Variants in SP3 observed in about 807,000 individuals in gnomAD.
SP3 encodes transcription factor Sp3.
A neutral mutation model predicts 70.3 loss-of-function variants in SP3; 10 were observed. The ratio of observed to expected loss-of-function variants is 0.14; its 90% CI spans 0.09 to 0.24. SP3 has a LOEUF of 0.24. Ranked by LOEUF, SP3 falls within the 10% of genes least tolerant of loss-of-function variation. SP3 has a pLI of 1.00. For synonymous variants in SP3, 402 were observed against 333.5 expected, an observed-to-expected ratio of 1.21 and a Z score of -2.24; for missense variants, 825 against 914.6, an observed-to-expected ratio of 0.90 and a Z score of 1.26.
At chr2:173,946,481 C>T (rs558311747) in intron 4 of SP3, among the ~76,000 whole-genome samples, 163 of 152,202 alleles carry the variant, frequency 1.1e-3, no homozygotes, top group African/African-American at 3.8e-3. Context: ...TCTGTAATTA[C>T]TGTTATTTCC....
chr2:173,965,004 G>A, intron 1 of SP3, 161 bp downstream of exon 1: 2 of 883,734 alleles, frequency 2.3e-6, no homozygotes. Context: ...GTGGCTGGCG[G>A]GGAGGGGAGG....
Position 173,907,759 on chromosome 2 carries a change from A to G in SP3, c.*2182T>C, listed in dbSNP as rs1005391363. ...TAATCTTAATTTAAAAATTCTAAAAATTACCTAAAGGATTTTAAGATTCAA... is the reference window on the plus strand; with the variant it reads ...TAATCTTAATTTAAAAATTCTAAAAGTTACCTAAAGGATTTTAAGATTCAA... On this transcript the variant is annotated 3_prime_UTR_variant, in exon 7 of 7. Transcript: ENST00000310015. 1.3e-5 allele frequency: 2 copies of G among 152,140 alleles called. No homozygotes were observed. The highest frequency in any genetic ancestry group is 2.4e-5 in the African/African-American group (1 of 41,456). The allele number at this position is 152,140 out of a possible 1,614,324, so 9.4% of individuals were successfully genotyped here. A position where few individuals can be genotyped will look rare whatever the true frequency, so the allele number is the denominator to read the frequency against.
At chr2:173,960,088 T>C (rs1272552027) in intron 3 of SP3, among the ~76,000 whole-genome samples, 3 of 152,214 alleles carry the variant, frequency 2.0e-5, no homozygotes, top group Non-Finnish European at 4.4e-5. Flanking sequence ...GAGGATCAAC[T>C]GAGCCCCAGT....
intron 6 of SP3, 25 bp downstream of exon 6, chr2:173,913,045 T>C (rs1465313144): frequency 6.6e-7 from 1 of 1,506,822 alleles, no homozygotes; most frequent in Admixed American, 2.0e-5. Flanking sequence ...TTCATTTTTG[T>C]CTGTTAAAAG....
In SP3 at chr2:173,908,697, GA is replaced by G. The variant is rs1689392671; in HGVS notation, c.*1243del. On this transcript the variant is annotated 3_prime_UTR_variant, in exon 7 of 7. Transcript: ENST00000310015. ...GCTGCAGTTACAGGTATACATTTAG[GA>G]AAACTGTATAGCTCTTACAAGACCA... 1 of 152,182 alleles carries G rather than the reference GA, an allele frequency of 6.6e-6. No individual in the cohort carries two copies. Among genetic ancestry groups the G allele is most frequent in the Non-Finnish European group, 1.5e-5 (1 of 67,830 alleles). 9.4% of individuals were successfully genotyped at this position (152,182 alleles called of 1,614,324 possible). A position where few individuals can be genotyped will look rare whatever the true frequency, so the allele number is the denominator to read the frequency against.
chr2:173,939,150 T>G (rs1690291944), intron 4 of SP3, among the ~76,000 whole-genome samples: 1 of 152,230 alleles, frequency 6.6e-6, no homozygotes, highest in Non-Finnish European at 1.5e-5. Context: ...TTCATCTTTG[T>G]AATTCCAGTA....
At position 173,900,858 on chromosome 2, in the gene SP3, G is replaced by T. The variant is rs1412925803; in HGVS notation, c.*9083C>A. On this transcript the variant is annotated 3_prime_UTR_variant, in exon 7 of 7. Transcript: ENST00000310015. ...GATACAGAATTATCATGGATAGAAA[G>T]ATAACATTCTTTCCCCAAATTAATC... 1.3e-5 allele frequency among the ~76,000 whole-genome samples: 2 copies of T among 152,156 alleles called. No homozygotes were observed. The highest frequency in any genetic ancestry group is 4.8e-5 in the African/African-American group (2 of 41,448).
chr2:173,913,292 A>AAG (rs1233835302), intron 5 of SP3, 26 bp from the exon 6 acceptor site: 3 of 1,427,916 alleles, frequency 2.1e-6, no homozygotes, highest in African/African-American at 1.4e-5. Flanking sequence ...AGAATAATAT[A>AAG]TACTTATATG....
At chr2:173,925,437 G>C (rs1421194484) in intron 4 of SP3, among the ~76,000 whole-genome samples, 1 of 152,086 alleles carries the variant, frequency 6.6e-6, no homozygotes, top group African/African-American at 2.4e-5. Context: ...AGGGAAGTTG[G>C]TATTTAAAAG....
At chr2:173,919,531 G>A (rs1689691896) in intron 4 of SP3, among the ~76,000 whole-genome samples, 2 of 151,974 alleles carry the variant, frequency 1.3e-5, no homozygotes, top group African/African-American at 4.8e-5. Context: ...GTTATTCTTA[G>A]AAATCCACTA....
chr2:173,920,832 C>T (rs1366406476), intron 4 of SP3, among the ~76,000 whole-genome samples: 2 of 151,994 alleles, frequency 1.3e-5, no homozygotes, highest in East Asian at 3.9e-4. Flanking sequence ...CTCAAGTGAT[C>T]CACCCACCTC....
At chr2:173,931,691 C>T (rs72911169) in intron 4 of SP3, among the ~76,000 whole-genome samples, 1 of 152,026 alleles carries the variant, frequency 6.6e-6, no homozygotes, top group Admixed American at 6.6e-5. Context: ...TCTTAGCTTC[C>T]GGATAACTTC....
chr2:173,914,597 G>A (rs1689577884), intron 5 of SP3: 1 of 152,308 alleles, frequency 6.6e-6, no homozygotes, highest in Non-Finnish European at 1.5e-5. Flanking sequence ...GAGGAGGTGG[G>A]TAGGATTTAG....
At chr2:173,942,835 C>T (rs1690412213) in intron 4 of SP3, among the ~76,000 whole-genome samples, 1 of 151,840 alleles carries the variant, frequency 6.6e-6, no homozygotes, top group Admixed American at 6.6e-5. Flanking sequence ...ATCTGTGGAT[C>T]CAATTAACTG....
rs542845682 is a variant in SP3, at chr2:173,941,798, GT to G, written c.1639+13074del. Among the ~76,000 whole-genome samples the G allele has an allele frequency of 8.5e-4, 130 of 152,226 alleles. 1 individual carries two copies. Among genetic ancestry groups the G allele is most frequent in the African/African-American group, 3.1e-3 (128 of 41,540 alleles). On this transcript the variant is annotated intron_variant, in intron 4 of 6. Transcript: ENST00000310015. The stretch of plus-strand genomic sequence containing the variant: ...CTTTCCCTCAATTTTGGATACTTAA[GT>G]TTCAGTTCCTGAATTTCTATTTGGT...
intron 3 of SP3, among the ~76,000 whole-genome samples, chr2:173,961,745 G>T (rs938552130): frequency 6.6e-6 from 1 of 152,090 alleles, no homozygotes; most frequent in Non-Finnish European, 1.5e-5. Flanking sequence ...CTAAGCCCAT[G>T]AACTCATGTG....
chr2:173,932,820 G>A (rs1015716163), intron 4 of SP3, among the ~76,000 whole-genome samples: 5 of 151,970 alleles, frequency 3.3e-5, no homozygotes, highest in African/African-American at 4.8e-5. Context: ...GTGAAACCCC[G>A]TCTCTACTAA....
rs1262262277 is a variant in SP3 at position 173,956,197 on chromosome 2, T to A, written c.315A>T (p.Ala105=). ...GDLASAQLGG[A]PNRWEVLSAT... is the part of the protein sequence containing the mutation. Reference sequence around the variant, plus strand: ...CTGACAAAACCTCCCATCGGTTTGGTGCTCCTCCTAACTGTGCAGAAGCCA... The same window carrying A: ...CTGACAAAACCTCCCATCGGTTTGGAGCTCCTCCTAACTGTGCAGAAGCCA... The change falls in exon 4 of 7, where the codon GCA becomes GCT. Residue 105 remains alanine, a synonymous_variant. Coordinates refer to ENST00000310015, the MANE Select transcript of SP3 (RefSeq NM_003111.5). The A allele has an allele frequency of 3.7e-6, 6 of 1,613,438 alleles. No individual in the cohort carries two copies. Among genetic ancestry groups the A allele is most frequent in the Non-Finnish European group, 4.2e-6 (5 of 1,179,628 alleles).
chr2:173,937,222 G>C (rs1690234879), intron 4 of SP3, among the ~76,000 whole-genome samples: 1 of 152,252 alleles, frequency 6.6e-6, no homozygotes, highest in East Asian at 1.9e-4. Flanking sequence ...GCTGCCAAAT[G>C]AAAGCAGCAA....
Sources: allele counts gnomAD v4.1 joint callset (sites outside exome capture counted in the v4.1 genomes callset), GRCh38; gene constraint gnomAD v4.1.1; transcripts MANE v1.5; gene names NCBI Gene and HGNC (gene_info 2026-07-23, HGNC 2026-07-21).